Variants in LRRIQ3 observed in about 807,000 individuals in gnomAD.
LRRIQ3 encodes the protein leucine rich repeats and IQ motif containing 3, also known as leucine-rich repeat and IQ domain-containing protein 3.
In LRRIQ3, 75 loss-of-function variants were observed where a neutral mutation model predicts 59.3. The ratio of observed to expected loss-of-function variants is 1.26; its 90% CI spans 1.05 to 1.53. The LOEUF is 1.53. Ranked by LOEUF, LRRIQ3 falls within the 40% of genes most tolerant of loss-of-function variation. The probability of loss-of-function intolerance (pLI) is 0.00; values close to 1 mark genes in which losing one functional copy is unlikely to be tolerated. For synonymous variants in LRRIQ3, 250 were observed against 231.3 expected, an observed-to-expected ratio of 1.08 and a Z score of -0.73; for missense variants, 831 against 710.0, an observed-to-expected ratio of 1.17 and a Z score of -1.94.
chr1:74,147,245 T>A (rs2100649676), intron 4 of LRRIQ3, among the ~76,000 whole-genome samples: 1 of 152,180 alleles, frequency 6.6e-6, no homozygotes, highest in Middle Eastern at 3.4e-3. Flanking sequence ...AAGAATTGCC[T>A]ACGAACAAGA....
At chr1:74,087,504 C>A (rs1646341082) in intron 5 of LRRIQ3, among the ~76,000 whole-genome samples, 1 of 144,798 alleles carries the variant, frequency 6.9e-6, no homozygotes, top group Admixed American at 7.1e-5. Flanking sequence ...TCCTCTATTA[C>A]CTCATCTAAA....
At position 74,182,760 on chromosome 1, in the gene LRRIQ3, T is replaced by G. The variant is rs747774206; in HGVS notation, c.351A>C (p.Val117=). ...CAATGAGGGTTGGACAGGCAGATAATACACATATATTCTTTAACTTTGCAA... is the reference window on the plus strand; with the variant it reads ...CAATGAGGGTTGGACAGGCAGATAAGACACATATATTCTTTAACTTTGCAA... ...NGFAKLKNIC[V]LSACPTLIAL... Residue 117 remains valine (V), a synonymous_variant, in exon 3 of 8, where the codon GTA becomes GTC. Coordinates refer to ENST00000354431, the MANE Select transcript of LRRIQ3 (RefSeq NM_001105659.2). The G allele has an allele frequency of 1.2e-6, 2 of 1,612,058 alleles. No individual in the cohort carries two copies. Among genetic ancestry groups the G allele is most frequent in the Admixed American group, 3.3e-5 (2 of 59,888 alleles).
chr1:74,099,805 C>T (rs1037393809), intron 5 of LRRIQ3, among the ~76,000 whole-genome samples: 1 of 152,082 alleles, frequency 6.6e-6, no homozygotes, highest in Non-Finnish European at 1.5e-5. Flanking sequence ...AAGACAAAAA[C>T]CACATGATTA....
rs76472728 is a variant in LRRIQ3 at position 74,044,492 on chromosome 1, T to C, written c.998-2559A>G. ...TAATATTAAGGGAAATTTATAGCTC[T>C]AAATGCCCACAGGAGAAAGCAAAAA... On this transcript the variant is annotated intron_variant, in intron 6 of 7. Coordinates refer to ENST00000354431, the MANE Select transcript of LRRIQ3 (RefSeq NM_001105659.2). 6.2e-3 allele frequency among the ~76,000 whole-genome samples: 939 copies of C among 152,194 alleles called. 20 individuals carry two copies. In the East Asian group the frequency reaches 0.066, roughly 11 times the overall value.
chr1:74,132,412 T>C (rs1350975502), intron 4 of LRRIQ3, among the ~76,000 whole-genome samples: 2 of 152,142 alleles, frequency 1.3e-5, no homozygotes, highest in African/African-American at 4.8e-5. Flanking sequence ...GCCAAGTCAA[T>C]GCTAAGCCAA....
At chr1:74,126,269 G>T (rs1201665630) in intron 4 of LRRIQ3, among the ~76,000 whole-genome samples, 2 of 151,290 alleles carry the variant, frequency 1.3e-5, no homozygotes, top group Non-Finnish European at 3.0e-5. Context: ...CTGGCTAAGG[G>T]TTTGTTGATT....
At chr1:74,133,196 A>G (rs1367180121) in intron 4 of LRRIQ3, among the ~76,000 whole-genome samples, 2 of 152,170 alleles carry the variant, frequency 1.3e-5, no homozygotes, top group Non-Finnish European at 2.9e-5. Context: ...GGCAATCATT[A>G]AAAAGTCAGG....
At chr1:74,176,241 T>A (rs1327897184) in intron 3 of LRRIQ3, among the ~76,000 whole-genome samples, 1 of 152,186 alleles carries the variant, frequency 6.6e-6, no homozygotes, top group Non-Finnish European at 1.5e-5. Flanking sequence ...CATAGAATTA[T>A]GATTTGATAG....
chr1:74,054,836 C>T (rs1654477889), intron 6 of LRRIQ3, among the ~76,000 whole-genome samples: 1 of 145,852 alleles, frequency 6.9e-6, no homozygotes, highest in South Asian at 2.1e-4. Flanking sequence ...ATTTTTAATG[C>T]ATGTGTATAT....
intron 5 of LRRIQ3, among the ~76,000 whole-genome samples, chr1:74,097,848 C>A (rs1040754513): frequency 2.6e-5 from 4 of 151,992 alleles, no homozygotes; most frequent in African/African-American, 7.2e-5. Flanking sequence ...TACAGACAAG[C>A]AAAAGTTGAG....
intron 3 of LRRIQ3, among the ~76,000 whole-genome samples, chr1:74,171,229 A>G (rs541627508): frequency 3.3e-5 from 5 of 152,168 alleles, no homozygotes; most frequent in South Asian, 4.1e-4. Flanking sequence ...ATATCTTAGG[A>G]AAAAAAACTT....
chr1:74,113,215 G>A (rs1385155811), intron 4 of LRRIQ3, among the ~76,000 whole-genome samples: 1 of 151,886 alleles, frequency 6.6e-6, no homozygotes, highest in Non-Finnish European at 1.5e-5. Context: ...TACTATGGTG[G>A]CTCAACAGAT....
chr1:74,143,371 T>A (rs1400228967), intron 4 of LRRIQ3, among the ~76,000 whole-genome samples: 1 of 151,912 alleles, frequency 6.6e-6, no homozygotes, highest in Non-Finnish European at 1.5e-5. Flanking sequence ...TTGAAAGAAG[T>A]AAGGTAAATT....
intron 4 of LRRIQ3, among the ~76,000 whole-genome samples, chr1:74,154,118 G>A (rs1447946241): frequency 6.6e-6 from 1 of 151,630 alleles, no homozygotes; most frequent in African/African-American, 2.4e-5. Flanking sequence ...GCGGGTGCCT[G>A]TAGTCCCAGC....
intron 4 of LRRIQ3, among the ~76,000 whole-genome samples, chr1:74,116,256 G>C (rs1381299121): frequency 6.6e-6 from 1 of 151,998 alleles, no homozygotes; most frequent in Non-Finnish European, 1.5e-5. Flanking sequence ...TCTTGCCCTT[G>C]CCCACTGAAA....
Position 74,051,469 on chromosome 1 carries a change from C to T in LRRIQ3, c.998-9536G>A, listed in dbSNP as rs533324003. Among the ~76,000 whole-genome samples the T allele has an allele frequency of 7.9e-5, 12 of 152,096 alleles. No homozygotes were observed. In the East Asian group the frequency reaches 1.2e-3, roughly 15 times the overall value. On this transcript the variant is annotated intron_variant, in intron 6 of 7. Transcript: ENST00000354431. ...TCCTACATACGATTTTAAAAACATC[C>T]GTATTGAGATATACTTAATATTCCA... is the stretch of plus-strand genomic sequence containing the variant.
intron 5 of LRRIQ3, among the ~76,000 whole-genome samples, chr1:74,088,314 A>T (rs1646353518): frequency 6.6e-6 from 1 of 152,132 alleles, no homozygotes. Flanking sequence ...ATTTATTATA[A>T]TGACATAAAA....
chr1:74,076,296 T>C (rs1646208884), intron 5 of LRRIQ3, among the ~76,000 whole-genome samples: 1 of 152,190 alleles, frequency 6.6e-6, no homozygotes, highest in Non-Finnish European at 1.5e-5. Flanking sequence ...TATTTGTTTC[T>C]GGAACATTTA....
At chr1:74,117,377 A>G (rs2100578230) in intron 4 of LRRIQ3, among the ~76,000 whole-genome samples, 1 of 152,276 alleles carries the variant, frequency 6.6e-6, no homozygotes, top group South Asian at 2.1e-4. Context: ...AAGATAAGCA[A>G]AGTATGAAGA....
Sources: allele counts gnomAD v4.1 joint callset (sites outside exome capture counted in the v4.1 genomes callset), GRCh38; gene constraint gnomAD v4.1.1; transcripts MANE v1.5; gene names NCBI Gene and HGNC (gene_info 2026-07-23, HGNC 2026-07-21).